NXPH2: variants seen among roughly 807,000 people sequenced by gnomAD.
The protein encoded by NXPH2 is neurexophilin-2.
In NXPH2, 5 loss-of-function variants were observed where a neutral mutation model predicts 19.8. The ratio of observed to expected loss-of-function variants is 0.25; its 90% CI spans 0.13 to 0.53. The LOEUF is 0.53. Among genes scored for constraint, NXPH2 ranks in the 20% least tolerant of loss-of-function variants. The pLI, the probability that NXPH2 is intolerant of heterozygous loss-of-function variation, is 0.96. For missense variants in NXPH2, 289 were observed against 322.8 expected, an observed-to-expected ratio of 0.90 and a Z score of 0.80; for synonymous variants, 154 against 127.4, an observed-to-expected ratio of 1.21 and a Z score of -1.41.
intron 1 of NXPH2, among the ~76,000 whole-genome samples, chr2:138,752,858 A>C (rs990208346): frequency 1.1e-4 from 16 of 152,142 alleles, no homozygotes; most frequent in African/African-American, 3.9e-4. Context: ...TTTTCCCATA[A>C]TCAGACTGGG....
intron 1 of NXPH2, among the ~76,000 whole-genome samples, chr2:138,755,372 T>C (rs1681891356): frequency 6.6e-6 from 1 of 152,162 alleles, no homozygotes; most frequent in African/African-American, 2.4e-5. Context: ...TATGTCTACA[T>C]ACATATGTTG....
chr2:138,711,593 C>T (rs1013388967), intron 1 of NXPH2, among the ~76,000 whole-genome samples: 1 of 152,124 alleles, frequency 6.6e-6, no homozygotes, highest in African/African-American at 2.4e-5. Context: ...ATATACAGTG[C>T]AGATTCTTTT....
chr2:138,698,557 T>C (rs1231630200), intron 1 of NXPH2, among the ~76,000 whole-genome samples: 1 of 152,118 alleles, frequency 6.6e-6, no homozygotes, highest in Non-Finnish European at 1.5e-5. Context: ...TAACTTGCTA[T>C]TTAATGTGGC....
chr2:138,774,200 T>G (rs933148905), intron 1 of NXPH2, among the ~76,000 whole-genome samples: 1 of 152,214 alleles, frequency 6.6e-6, no homozygotes. Flanking sequence ...AATGACTAGA[T>G]GTTAGTTTAC....
intron 1 of NXPH2, among the ~76,000 whole-genome samples, chr2:138,704,383 AGT>A: frequency 6.6e-6 from 1 of 152,242 alleles, no homozygotes; most frequent in Non-Finnish European, 1.5e-5. Flanking sequence ...AACTATCAGC[AGT>A]CTAAGATAGA....
At chr2:138,717,687 C>T (rs1681214332) in intron 1 of NXPH2, among the ~76,000 whole-genome samples, 1 of 151,798 alleles carries the variant, frequency 6.6e-6, no homozygotes, top group Non-Finnish European at 1.5e-5. Flanking sequence ...CTGTATGCTT[C>T]AGAAATATGA....
At chr2:138,691,063 A>G (rs777127091) in intron 1 of NXPH2, among the ~76,000 whole-genome samples, 1 of 152,192 alleles carries the variant, frequency 6.6e-6, no homozygotes, top group Non-Finnish European at 1.5e-5. Flanking sequence ...CTAGTCAGGG[A>G]AAGTGTGGTG....
intron 1 of NXPH2, among the ~76,000 whole-genome samples, chr2:138,730,870 T>C (rs550536587): frequency 1.7e-4 from 26 of 152,182 alleles, no homozygotes; most frequent in South Asian, 4.1e-4. Context: ...GGGTCTGGAG[T>C]GGTTTGTAAT....
At chr2:138,672,407 T>C (rs1680428928) in intron 1 of NXPH2, among the ~76,000 whole-genome samples, 1 of 152,248 alleles carries the variant, frequency 6.6e-6, no homozygotes, top group Admixed American at 6.5e-5. Context: ...CATTGTTTTA[T>C]GGGTTCCTCA....
intron 1 of NXPH2, among the ~76,000 whole-genome samples, chr2:138,705,137 A>T (rs10191514): frequency 0.5 from 76,105 of 151,578 alleles, 21,243 homozygotes; most frequent in South Asian, 0.75. Context: ...TTTTAAAAAA[A>T]TTTTTTTGTA....
At chr2:138,780,166 G>T in intron 1 of NXPH2, 25 bp downstream of exon 1, 1 of 1,476,322 alleles carries the variant, frequency 6.8e-7, no homozygotes, top group Non-Finnish European at 8.9e-7. Context: ...CGGCGTGTGG[G>T]ACGGCGCGCG....
Position 138,772,391 on chromosome 2 carries a change from G to T in NXPH2, c.51+7800C>A, listed in dbSNP as rs554564650. ...GGCTCAACACAACCTCTGCCTCTTG[G>T]ATTCAAGCAATTCTCCTGCCTCAGC... On this transcript the variant is annotated intron_variant, in intron 1 of 1. Transcript: ENST00000272641. Among the ~76,000 whole-genome samples the T allele has an allele frequency of 1.0e-3, 159 of 152,308 alleles. 1 individual carries two copies. The highest frequency in any genetic ancestry group is 1.9e-3 in the Non-Finnish European group (127 of 68,026).
At chr2:138,733,097 T>C (rs1044475093) in intron 1 of NXPH2, among the ~76,000 whole-genome samples, 2 of 152,204 alleles carry the variant, frequency 1.3e-5, no homozygotes, top group African/African-American at 4.8e-5. Flanking sequence ...AAAGTGAACT[T>C]ACTGAAGCAA....
At chr2:138,714,854 T>C (rs1573964057) in intron 1 of NXPH2, among the ~76,000 whole-genome samples, 1 of 152,220 alleles carries the variant, frequency 6.6e-6, no homozygotes, top group African/African-American at 2.4e-5. Flanking sequence ...ATATAACATA[T>C]AATGGCATAA....
intron 1 of NXPH2, among the ~76,000 whole-genome samples, chr2:138,679,085 C>T (rs890440955): frequency 3.3e-5 from 5 of 152,138 alleles, no homozygotes; most frequent in African/African-American, 9.7e-5. Flanking sequence ...GCTTCTTCTC[C>T]GGAGCTACAT....
chr2:138,690,969 C>G (rs1461853819), intron 1 of NXPH2, among the ~76,000 whole-genome samples: 2 of 152,214 alleles, frequency 1.3e-5, no homozygotes, highest in African/African-American at 2.4e-5. Context: ...GACATTTAAA[C>G]TCACACAGGG....
intron 1 of NXPH2, among the ~76,000 whole-genome samples, chr2:138,701,880 A>G (rs1680928858): frequency 6.6e-6 from 1 of 152,044 alleles, no homozygotes; most frequent in Non-Finnish European, 1.5e-5. Flanking sequence ...TCTAGATAAC[A>G]TTTTATTTCC....
chr2:138,688,037 C>T (rs1680688082), intron 1 of NXPH2, among the ~76,000 whole-genome samples: 3 of 152,078 alleles, frequency 2.0e-5, no homozygotes. Flanking sequence ...TTTTTGGTTC[C>T]ATGTGAACTT....
At chr2:138,776,425 G>A (rs1300672318) in intron 1 of NXPH2, among the ~76,000 whole-genome samples, 1 of 151,912 alleles carries the variant, frequency 6.6e-6, no homozygotes, top group African/African-American at 2.4e-5. Context: ...ATTCACAACT[G>A]GACCAGATAA....
Sources: gnomAD v4.1 joint callset for allele counts (sites outside exome capture counted in the v4.1 genomes callset) on GRCh38, gnomAD v4.1.1 for gene constraint, MANE v1.5 for transcripts, NCBI Gene and HGNC (gene_info 2026-07-23, HGNC 2026-07-21) for gene names.